TRIM69: variants seen among roughly 807,000 people sequenced by gnomAD.
TRIM69 encodes E3 ubiquitin-protein ligase TRIM69.
A neutral mutation model predicts 37.7 loss-of-function variants in TRIM69; 29 were observed. The ratio of observed to expected loss-of-function variants is 0.77; its 90% CI spans 0.57 to 1.05. The LOEUF (loss-of-function observed/expected upper bound fraction) is 1.05, where lower values mean the gene tolerates loss of function less well. Ranked by LOEUF, TRIM69 falls within the 50% of genes least tolerant of loss-of-function variation. TRIM69 has a pLI of 0.00. For missense variants in TRIM69, 596 were observed against 579.9 expected (o/e 1.03, Z -0.28); for synonymous variants, 209 against 212.4 (o/e 0.98, Z 0.14).
At position 44,755,002 on chromosome 15, in the gene TRIM69, A is replaced by G. The variant is rs766265248; in HGVS notation, c.109A>G (p.Met37Val). The stretch of plus-strand genomic sequence containing the variant: ...TAAAGTGGTGATACAAGATATTACT[A>G]TGGAGCTACACTGCCCTCTGTGCAA... ...PSKVVIQDIT[M>V]ELHCPLCNDW... The change falls in exon 2 of 7, where the codon ATG becomes GTG. Residue 37 changes from methionine (M) to valine (V), a missense_variant. Physicochemically the swap from Met to Val is conservative, Grantham distance 21. Coordinates refer to ENST00000329464, the MANE Select transcript of TRIM69 (RefSeq NM_182985.5). The G allele has an allele frequency of 3.2e-5, 52 of 1,614,044 alleles. 1 individual carries two copies. The Middle Eastern group carries it at 1.2e-3, about 36-fold the overall frequency.
chr15:44,739,682 C>A (rs543515519), intron 1 of TRIM69, among the ~76,000 whole-genome samples: 2 of 152,200 alleles, frequency 1.3e-5, no homozygotes, highest in African/African-American at 4.8e-5. Flanking sequence ...GTGGGAGGGG[C>A]GCCCACCATT....
chr15:44,756,311 C>T lies in TRIM69; in HGVS notation c.484-57C>T, dbSNP rs2087644907. 7.9e-6 allele frequency: 10 copies of T among 1,269,874 alleles called. No homozygotes were observed. The South Asian group carries it at 1.3e-4, about 16-fold the overall frequency. 78.7% of individuals were successfully genotyped at this position (1,269,874 alleles called of 1,614,324 possible). ...ACACTGGGGCCTTGGGGAAGATGTC[C>T]TTTATGGTCCTTCATCTCCCGAGTT... On this transcript the variant is annotated intron_variant, in intron 2 of 6. Transcript: ENST00000329464.
At chr15:44,764,044 G>T (rs1327467215) in intron 6 of TRIM69, among the ~76,000 whole-genome samples, 2 of 152,168 alleles carry the variant, frequency 1.3e-5, no homozygotes, top group Non-Finnish European at 2.9e-5. Flanking sequence ...GCATGCATGT[G>T]CAGATTAGTA....
chr15:44,759,620 C>T lies in TRIM69; in HGVS notation c.814-20C>T, dbSNP rs138626529. On this transcript the variant is annotated intron_variant, in intron 4 of 6. Transcript: ENST00000329464. ...GTTGATGAACGGGCATCTGATGTCT[C>T]TCTTTCTCCTTTCTTCTAGGACATC... The T allele has an allele frequency of 1.4e-3, 2,267 of 1,612,978 alleles. 26 individuals carry two copies. In the African/African-American group the frequency reaches 0.027, roughly 19 times the overall value.
chr15:44,754,669 G>C (rs902654908), intron 1 of TRIM69: 15 of 500,128 alleles, frequency 3.0e-5, no homozygotes, highest in African/African-American at 2.5e-4. Flanking sequence ...ACATTTCTTT[G>C]ATTTAGTACT....
At chr15:44,748,025 C>T (rs1719326697) in intron 1 of TRIM69, among the ~76,000 whole-genome samples, 1 of 152,210 alleles carries the variant, frequency 6.6e-6, no homozygotes, top group Admixed American at 6.5e-5. Flanking sequence ...GGAAATTGCT[C>T]TGGCCTTCAG....
intron 1 of TRIM69, among the ~76,000 whole-genome samples, chr15:44,740,362 C>T (rs1018221296): frequency 6.6e-6 from 1 of 152,214 alleles, no homozygotes; most frequent in African/African-American, 2.4e-5. Context: ...TCACCAGCAA[C>T]AAAACAAAGC....
At chr15:44,747,693 G>A (rs894405758) in intron 1 of TRIM69, among the ~76,000 whole-genome samples, 1 of 152,142 alleles carries the variant, frequency 6.6e-6, no homozygotes, top group African/African-American at 2.4e-5. Flanking sequence ...GGGAGATCAG[G>A]CATCAGCAAT....
chr15:44,762,390 G>T (rs1215860674), intron 6 of TRIM69, among the ~76,000 whole-genome samples: 6 of 152,002 alleles, frequency 3.9e-5, no homozygotes, highest in African/African-American at 1.5e-4. Flanking sequence ...TTGGATCTAA[G>T]GGTTTATAAT....
intron 1 of TRIM69, among the ~76,000 whole-genome samples, chr15:44,738,340 C>T (rs892992539): frequency 6.6e-6 from 1 of 151,678 alleles, no homozygotes; most frequent in Non-Finnish European, 1.5e-5. Flanking sequence ...CAAAGTGAGG[C>T]TAAGATTACA....
chr15:44,759,904 G>A (rs191374501), intron 6 of TRIM69, 32 bp downstream of exon 6: 1 of 1,594,314 alleles, frequency 6.3e-7, no homozygotes, highest in East Asian at 2.3e-5. Flanking sequence ...TGGTTCTTGA[G>A]GCTCCTAATC....
At chr15:44,765,691 T>C (rs1160081515) in intron 6 of TRIM69, among the ~76,000 whole-genome samples, 1 of 151,792 alleles carries the variant, frequency 6.6e-6, no homozygotes, top group African/African-American at 2.4e-5. Flanking sequence ...GAGGCGGAGG[T>C]TGCAGTGAGC....
rs534530797 is a variant in TRIM69 at position 44,759,769 on chromosome 15, G to A, written c.858G>A (p.Val286=). The change falls in exon 6 of 7, where the codon GTG becomes GTA. Residue 286 remains valine, a synonymous_variant. Transcript: ENST00000329464. The part of the protein sequence containing the change: ...LLHSLEQGMK[V]LATRELISRK... ...GCAGCTTGGAGCAAGGAATGAAGGT[G>A]CTGGCAACCAGAGAGCTTATTTCCA... 3.3e-5 allele frequency: 54 copies of A among 1,614,208 alleles called. No homozygotes were observed. The South Asian group carries it at 5.2e-4, about 15-fold the overall frequency.
In TRIM69 at chr15:44,758,718, G is replaced by T. The variant is rs772381622; in HGVS notation, c.677G>T (p.Arg226Leu). 6.2e-7 allele frequency: 1 copy of T among 1,614,112 alleles called. No homozygotes were observed. The highest frequency in any genetic ancestry group is 1.7e-5 in the Admixed American group (1 of 60,010). The change falls in exon 4 of 7, where the codon CGG becomes CTG. Residue 226 changes from arginine to leucine, a missense_variant. Coordinates refer to ENST00000329464, the MANE Select transcript of TRIM69 (RefSeq NM_182985.5). The part of the protein sequence containing the change: ...SKEKDILTEL[R>L]EEGKALNEEM... ...GAAAAGGACATTTTAACTGAGCTCC[G>T]GGAAGAGGGGAAAGCCTTGAATGAG...
intron 1 of TRIM69, chr15:44,753,730 T>C (rs2087583299): frequency 6.6e-6 from 1 of 152,166 alleles, no homozygotes; most frequent in Non-Finnish European, 1.5e-5. Context: ...AATTTTTTTT[T>C]TTGAGACAGA....
chr15:44,754,829 G>A (rs1369585976), intron 1 of TRIM69, 71 bp from the exon 2 acceptor site: 2 of 1,154,408 alleles, frequency 1.7e-6, no homozygotes, highest in Middle Eastern at 2.0e-4. Flanking sequence ...TTTAGGAATG[G>A]CGCCATCATC....
At chr15:44,760,064 G>A (rs905097976) in intron 6 of TRIM69, among the ~76,000 whole-genome samples, 192 bp downstream of exon 6, 3 of 152,132 alleles carry the variant, frequency 2.0e-5, no homozygotes, top group Admixed American at 1.3e-4. Context: ...ACTTTGTGCT[G>A]GTAAATAGAT....
rs1460759546 is a variant in TRIM69 at position 44,754,904 on chromosome 15, C to T, written c.11C>T (p.Ser4Phe). MEV[S>F]TNPSSNIDPG... ...TTTAGCTGTTCTTTTCTAAAGGTAT[C>T]CACCAACCCCTCCTCCAACATCGAT... Residue 4 changes from serine to phenylalanine, a missense_variant, in exon 2 of 7, where the codon TCC (serine) becomes TTC (phenylalanine). Ser to Phe is a radical substitution (Grantham distance 155). Transcript: ENST00000329464. The T allele has an allele frequency of 1.9e-6, 3 of 1,607,856 alleles. No individual in the cohort carries two copies. The highest frequency in any genetic ancestry group is 2.6e-6 in the Non-Finnish European group (3 of 1,175,380).
intron 1 of TRIM69, among the ~76,000 whole-genome samples, chr15:44,746,545 C>G (rs190371828): frequency 6.2e-4 from 95 of 152,200 alleles, no homozygotes; most frequent in African/African-American, 2.2e-3. Flanking sequence ...GTTTAAAACT[C>G]AAGTGTGCAA....
Sources: gnomAD v4.1 joint callset for allele counts (sites outside exome capture counted in the v4.1 genomes callset) on GRCh38, gnomAD v4.1.1 for gene constraint, MANE v1.5 for transcripts, NCBI Gene and HGNC (gene_info 2026-07-23, HGNC 2026-07-21) for gene names.